SAXO1: variants seen among roughly 807,000 people sequenced by gnomAD.
The protein encoded by SAXO1 is stabilizer of axonemal microtubules 1, also known as 4930500O09Rik.
A neutral mutation model predicts 17.5 loss-of-function variants in SAXO1; 21 were observed. The observed-to-expected ratio is 1.20, with a 90% confidence interval of 0.85 to 1.72. The LOEUF (loss-of-function observed/expected upper bound fraction) is 1.72. Among genes scored for constraint, SAXO1 ranks in the 40% most tolerant of loss-of-function variants. The probability of loss-of-function intolerance (pLI) is 0.00; values close to 1 mark genes in which losing one functional copy is unlikely to be tolerated. For synonymous variants in SAXO1, 274 were observed against 216.5 expected, an observed-to-expected ratio of 1.27 and a Z score of -2.33; for missense variants, 843 against 596.0, an observed-to-expected ratio of 1.41 and a Z score of -4.32.
At chr9:18,967,967 A>G (rs566072694) in intron 1 of SAXO1, among the ~76,000 whole-genome samples, 1 of 152,304 alleles carries the variant, frequency 6.6e-6, no homozygotes, top group South Asian at 2.1e-4. Context: ...CCTTCACGAC[A>G]CAGTCCCTCA....
At chr9:18,941,603 C>G (rs565492307) in intron 3 of SAXO1, 34 bp downstream of exon 3, 16 of 1,612,456 alleles carry the variant, frequency 9.9e-6, no homozygotes, top group African/African-American at 1.3e-5. Context: ...CTCAGCCTGT[C>G]TTTCCCCCAA....
intron 3 of SAXO1, among the ~76,000 whole-genome samples, chr9:18,939,671 C>T (rs1295477339): frequency 6.6e-6 from 1 of 152,122 alleles, no homozygotes; most frequent in African/African-American, 2.4e-5. Context: ...GAGGCTGGAG[C>T]AGAGGGGCTT....
intron 1 of SAXO1, among the ~76,000 whole-genome samples, chr9:18,972,819 C>G (rs1247314873): frequency 1.3e-5 from 2 of 152,166 alleles, no homozygotes; most frequent in African/African-American, 4.8e-5. Flanking sequence ...TTCTTGGTGC[C>G]CACACTGCAC....
chr9:19,023,537 G>C (rs1265130960), intron 1 of SAXO1, among the ~76,000 whole-genome samples: 1 of 152,152 alleles, frequency 6.6e-6, no homozygotes, highest in Non-Finnish European at 1.5e-5. Context: ...GAAAGGCTGG[G>C]ATTTGAACCA....
At chr9:18,995,646 T>C (rs1305355665) in intron 1 of SAXO1, among the ~76,000 whole-genome samples, 1 of 152,214 alleles carries the variant, frequency 6.6e-6, no homozygotes, top group East Asian at 1.9e-4. Context: ...GATGAATCTA[T>C]TCACAGAATC....
chr9:19,034,035 A>C (rs907314124), upstream of SAXO1, among the ~76,000 whole-genome samples: 2 of 152,234 alleles, frequency 1.3e-5, no homozygotes, highest in African/African-American at 2.4e-5. Flanking sequence ...TCTAGCTTCA[A>C]CAAGAAGCCA....
chr9:18,991,891 T>C (rs1223137773), intron 1 of SAXO1, among the ~76,000 whole-genome samples: 1 of 152,156 alleles, frequency 6.6e-6, no homozygotes, highest in Admixed American at 6.5e-5. Context: ...GACCTTTGGC[T>C]ACCAAACCCT....
At position 18,927,951 on chromosome 9, in the gene SAXO1, G is replaced by GT. The variant is rs1830834275; in HGVS notation, c.*100dup. On this transcript the variant is annotated 3_prime_UTR_variant, in exon 4 of 4. Transcript: ENST00000380534. Reference sequence around the variant, plus strand: ...AAGTGGTGAAGGTTTTTTGTTTTTTGTTTTTTGTCATTTTAGGGAATTCTT... The same window carrying GT: ...AAGTGGTGAAGGTTTTTTGTTTTTTGTTTTTTTGTCATTTTAGGGAATTCTT... 2.9e-6 allele frequency: 4 copies of GT among 1,381,222 alleles called. No homozygotes were observed. The African/African-American group carries it at 4.3e-5, about 15-fold the overall frequency. 85.6% of individuals were successfully genotyped at this position (1,381,222 alleles called of 1,614,324 possible).
At chr9:19,002,908 G>C (rs1834334826) in intron 1 of SAXO1, among the ~76,000 whole-genome samples, 1 of 152,182 alleles carries the variant, frequency 6.6e-6, no homozygotes. Context: ...TCAGGCAAGA[G>C]AAAGAAATAA....
At chr9:18,944,005 G>A (rs543980010) in intron 2 of SAXO1, among the ~76,000 whole-genome samples, 5 of 152,276 alleles carry the variant, frequency 3.3e-5, no homozygotes, top group South Asian at 2.1e-4. Context: ...CGCTTATTGC[G>A]CATCTCCCAC....
intron 1 of SAXO1, among the ~76,000 whole-genome samples, chr9:19,040,719 T>C (rs776316011): frequency 1.3e-5 from 2 of 152,024 alleles, no homozygotes; most frequent in South Asian, 2.1e-4. Flanking sequence ...ATTCCACTTA[T>C]ATGAAGTTTC....
At chr9:19,036,047 C>T (rs4381030), upstream of SAXO1, among the ~76,000 whole-genome samples, 125,431 of 148,694 alleles carry the variant, frequency 0.84, 53,084 homozygotes, top group African/African-American at 0.92. Flanking sequence ...TAAGTGGGAG[C>T]TGAACAATGA....
chr9:18,977,356 T>C (rs528377449), intron 1 of SAXO1, among the ~76,000 whole-genome samples: 12 of 147,692 alleles, frequency 8.1e-5, no homozygotes, highest in South Asian at 4.3e-4. Flanking sequence ...ATTTACCACA[T>C]GCTGGGCATA....
rs936668744 is a variant in SAXO1, at chr9:19,032,792, C to T, written c.38+79G>A. On this transcript the variant is annotated intron_variant, in intron 1 of 3. Transcript: ENST00000380534. Reference sequence around the variant, plus strand: ...CCCACCGTGATGCCGCCTGATGAAGCAGCTGGGGGAGGCTTCCCTTCCTCG... The same window carrying T: ...CCCACCGTGATGCCGCCTGATGAAGTAGCTGGGGGAGGCTTCCCTTCCTCG... 35 of 1,507,552 alleles carry T rather than the reference C, an allele frequency of 2.3e-5. No homozygotes were observed. The African/African-American group carries it at 4.1e-4, about 18-fold the overall frequency. 93.4% of individuals were successfully genotyped at this position (1,507,552 alleles called of 1,614,324 possible).
At chr9:18,954,271 C>G (rs1287809416) in intron 1 of SAXO1, among the ~76,000 whole-genome samples, 2 of 152,078 alleles carry the variant, frequency 1.3e-5, no homozygotes, top group South Asian at 4.1e-4. Flanking sequence ...ATTAACAATA[C>G]TTGATTCTGT....
intron 1 of SAXO1, chr9:19,027,886 G>A: frequency 7.3e-7 from 1 of 1,370,326 alleles, no homozygotes; most frequent in Non-Finnish European, 1.0e-6. Flanking sequence ...TGGACCGCAA[G>A]ATCGAGTGCC....
At chr9:18,929,862 C>G (rs1437829309) in intron 3 of SAXO1, among the ~76,000 whole-genome samples, 3 of 152,210 alleles carry the variant, frequency 2.0e-5, no homozygotes, top group African/African-American at 4.8e-5. Context: ...CTGACCCACT[C>G]TACTCTCTGG....
intron 3 of SAXO1, among the ~76,000 whole-genome samples, chr9:18,932,438 T>TA (rs1232026821): frequency 6.6e-6 from 1 of 152,282 alleles, no homozygotes; most frequent in Non-Finnish European, 1.5e-5. Context: ...AGCTTTATAA[T>TA]AAAGTTTTGT....
chr9:18,973,019 G>A (rs1056716115), intron 1 of SAXO1, among the ~76,000 whole-genome samples: 1 of 152,170 alleles, frequency 6.6e-6, no homozygotes, highest in Non-Finnish European at 1.5e-5. Context: ...TAAAATCAGG[G>A]CATAAAGCCA....
Sources: allele counts gnomAD v4.1 joint callset (sites outside exome capture counted in the v4.1 genomes callset), GRCh38; gene constraint gnomAD v4.1.1; transcripts MANE v1.5; gene names NCBI Gene and HGNC (gene_info 2026-07-23, HGNC 2026-07-21).